SRSF11: variants seen among roughly 807,000 people sequenced by gnomAD.
SRSF11 encodes the protein serine and arginine rich splicing factor 11, also known as serine/arginine-rich splicing factor 11.
SRSF11 carries 9 observed loss-of-function variants against 56.0 expected under a neutral mutation model. The ratio of observed to expected loss-of-function variants is 0.16; its 90% confidence interval spans 0.10 to 0.28. The LOEUF (loss-of-function observed/expected upper bound fraction) is 0.28, where lower values mean the gene tolerates loss of function less well. SRSF11 is among the 10% of genes least tolerant of loss of function. The pLI is 1.00. For synonymous variants in SRSF11, 222 were observed against 215.3 expected, an observed-to-expected ratio of 1.03 and a Z score of -0.27; for missense variants, 421 against 600.7, an observed-to-expected ratio of 0.70 and a Z score of 3.13.
At chr1:70,224,491 G>A (rs1384081366) in intron 1 of SRSF11, among the ~76,000 whole-genome samples, 1 of 152,072 alleles carries the variant, frequency 6.6e-6, no homozygotes, top group Non-Finnish European at 1.5e-5. Flanking sequence ...CTTCTCTCCT[G>A]TAGAATATGA....
rs1678052908 is a variant in SRSF11, at chr1:70,252,200, C to T, written c.*1395C>T. 1 of 152,130 alleles carries T rather than the reference C, an allele frequency of 6.6e-6. No homozygotes were observed. Among genetic ancestry groups the T allele is most frequent in the Admixed American group, 6.5e-5 (1 of 15,274 alleles). The allele number at this position is 152,130 out of a possible 1,614,324, so 9.4% of individuals were successfully genotyped here. ...AATTTCTATCCAAAATAGTCCTTTT[C>T]TTAGCTTAGTATCATTTTATTGCTT... On this transcript the variant is annotated 3_prime_UTR_variant, in exon 12 of 12. Transcript: ENST00000370949.
At chr1:70,236,109 A>C (rs1399125904) in intron 5 of SRSF11, among the ~76,000 whole-genome samples, 1 of 152,150 alleles carries the variant, frequency 6.6e-6, no homozygotes, top group Admixed American at 6.5e-5. Context: ...AGAGAGCATG[A>C]AAAGGACAGA....
chr1:70,249,652 G>A, intron 9 of SRSF11: 2 of 270,928 alleles, frequency 7.4e-6, no homozygotes, highest in Non-Finnish European at 1.4e-5. Flanking sequence ...AACCTCCGCA[G>A]GCTCAAGTGA....
intron 7 of SRSF11, among the ~76,000 whole-genome samples, chr1:70,240,365 C>T (rs184554781): frequency 6.6e-6 from 1 of 152,150 alleles, no homozygotes; most frequent in Non-Finnish European, 1.5e-5. Flanking sequence ...TGAGTGACTC[C>T]TAGGGCAGTT....
At chr1:70,239,805 C>G (rs1674921331) in intron 7 of SRSF11, among the ~76,000 whole-genome samples, 1 of 151,438 alleles carries the variant, frequency 6.6e-6, no homozygotes, top group Non-Finnish European at 1.5e-5. Context: ...ATACAAGTTT[C>G]CAAATACTGA....
chr1:70,214,060 G>A (rs1558143293), intron 1 of SRSF11, among the ~76,000 whole-genome samples: 1 of 151,892 alleles, frequency 6.6e-6, no homozygotes. Context: ...CTGCATGGGG[G>A]AAAAAAACAT....
chr1:70,223,073 C>T (rs1671008176), intron 1 of SRSF11, among the ~76,000 whole-genome samples: 1 of 152,102 alleles, frequency 6.6e-6, no homozygotes, highest in Non-Finnish European at 1.5e-5. Context: ...TAATGAAAGA[C>T]AAATAGCTTT....
intron 4 of SRSF11, 76 bp from the exon 5 acceptor site, chr1:70,235,425 T>A: frequency 8.0e-7 from 1 of 1,242,478 alleles, no homozygotes; most frequent in Non-Finnish European, 1.2e-6. Context: ...TTTCTGTTGT[T>A]CAGTTTTCTG....
intron 2 of SRSF11, 63 bp downstream of exon 2, chr1:70,228,618 T>C: frequency 6.5e-7 from 1 of 1,546,202 alleles, no homozygotes; most frequent in East Asian, 2.3e-5. Context: ...TCAGTAGATG[T>C]AGAGTGAGCA....
chr1:70,208,250 A>T (rs573278965), intron 1 of SRSF11, among the ~76,000 whole-genome samples: 1 of 152,194 alleles, frequency 6.6e-6, no homozygotes, highest in South Asian at 2.1e-4. Context: ...CCCAGTGGCC[A>T]TATGCTTGTG....
intron 3 of SRSF11, 87 bp downstream of exon 3, chr1:70,232,464 A>C: frequency 3.0e-6 from 3 of 984,404 alleles, no homozygotes; most frequent in Non-Finnish European, 3.1e-6. Context: ...GTAAGTACTC[A>C]TAAGATTCTA....
intron 2 of SRSF11, chr1:70,228,868 C>G: frequency 4.7e-6 from 5 of 1,067,740 alleles, no homozygotes; most frequent in Non-Finnish European, 5.7e-6. Flanking sequence ...TATGAAAAAG[C>G]CCTGAAGGTA....
intron 1 of SRSF11, among the ~76,000 whole-genome samples, chr1:70,210,598 C>T (rs1461795598): frequency 6.6e-6 from 1 of 152,088 alleles, no homozygotes; most frequent in African/African-American, 2.4e-5. Context: ...ACCTGTGATC[C>T]CAGCTACTCA....
chr1:70,239,778 A>G (rs1674912039), intron 7 of SRSF11, among the ~76,000 whole-genome samples: 1 of 152,206 alleles, frequency 6.6e-6, no homozygotes, highest in Non-Finnish European at 1.5e-5. Context: ...AATGAAAAAT[A>G]ATTGATTCAT....
rs1355166569 is a variant in SRSF11 at position 70,251,049 on chromosome 1, G to C, written c.*244G>C. The C allele has an allele frequency of 2.4e-6, 1 of 419,472 alleles. No individual in the cohort carries two copies. The highest frequency in any genetic ancestry group is 2.0e-5 in the African/African-American group (1 of 50,640). The allele number at this position is 419,472 out of a possible 1,614,324, so 26.0% of individuals were successfully genotyped here. Reference sequence around the variant, plus strand: ...GTAACCAAGCAGTTTTACTATTCTGGTGCTGCTTCATAACAAAAATGAAAA... The same window carrying C: ...GTAACCAAGCAGTTTTACTATTCTGCTGCTGCTTCATAACAAAAATGAAAA... On this transcript the variant is annotated 3_prime_UTR_variant, in exon 12 of 12. Coordinates refer to ENST00000370949, the MANE Select transcript of SRSF11 (RefSeq NM_001350605.2).
At chr1:70,214,894 GTTTTTTT>G (rs34229824) in intron 1 of SRSF11, among the ~76,000 whole-genome samples, 1 of 125,950 alleles carries the variant, frequency 7.9e-6, no homozygotes, top group African/African-American at 3.0e-5. Context: ...CTGCAGATAA[GTTTTTTT>G]TTTTTTTTTT....
intron 1 of SRSF11, 92 bp downstream of exon 1, chr1:70,221,931 C>T (rs980952297): frequency 6.7e-5 from 103 of 1,530,754 alleles, no homozygotes; most frequent in Non-Finnish European, 8.6e-5. Context: ...CGCTGCTTCC[C>T]CGGGCCAGGC....
At chr1:70,249,042 T>G (rs936741902) in intron 9 of SRSF11, 11 of 152,274 alleles carry the variant, frequency 7.2e-5, no homozygotes, top group Non-Finnish European at 1.5e-4. Flanking sequence ...TGATAACTTT[T>G]GAGAATCAGG....
chr1:70,232,932 T>C (rs770028912), intron 3 of SRSF11, among the ~76,000 whole-genome samples: 9 of 152,196 alleles, frequency 5.9e-5, no homozygotes, highest in Non-Finnish European at 8.8e-5. Flanking sequence ...TTAAATACTG[T>C]GTATTCTAAT....
Sources: gnomAD v4.1 joint callset for allele counts (sites outside exome capture counted in the v4.1 genomes callset) on GRCh38, gnomAD v4.1.1 for gene constraint, MANE v1.5 for transcripts, NCBI Gene and HGNC (gene_info 2026-07-23, HGNC 2026-07-21) for gene names.